The following ZNF438 variants were observed in gnomAD, a reference collection of about 807,000 sequenced individuals.
ZNF438 encodes the protein zinc finger protein 438.
Under a neutral mutation model 38.0 loss-of-function variants are expected in ZNF438, and 25 were observed. The observed-to-expected ratio is 0.66, with a 90% confidence interval of 0.48 to 0.92. The LOEUF is 0.92. Ranked by LOEUF, ZNF438 falls within the 40% of genes least tolerant of loss-of-function variation. The pLI is 0.00. For missense variants in ZNF438, 1,007 were observed against 999.6 expected, an observed-to-expected ratio of 1.01 and a Z score of -0.10; for synonymous variants, 372 against 364.1, an observed-to-expected ratio of 1.02 and a Z score of -0.25.
At chr10:30,976,624 A>T (rs2051385097) in intron 1 of ZNF438, among the ~76,000 whole-genome samples, 1 of 152,056 alleles carries the variant, frequency 6.6e-6, no homozygotes. Context: ...GCACACTTAT[A>T]GTACCAGCTA....
At chr10:30,887,068 A>G (rs904076989) in intron 3 of ZNF438, among the ~76,000 whole-genome samples, 1 of 152,184 alleles carries the variant, frequency 6.6e-6, no homozygotes, top group Non-Finnish European at 1.5e-5. Flanking sequence ...TACGCAAACC[A>G]ACCAATCCAA....
chr10:30,896,094 G>C (rs374587351), intron 3 of ZNF438, among the ~76,000 whole-genome samples: 84 of 152,150 alleles, frequency 5.5e-4, no homozygotes, highest in African/African-American at 1.8e-3. Context: ...GTCAGATCAA[G>C]ACCATCCTGG....
intron 1 of ZNF438, among the ~76,000 whole-genome samples, chr10:30,944,054 A>C (rs2047104133): frequency 6.6e-6 from 1 of 152,216 alleles, no homozygotes; most frequent in African/African-American, 2.4e-5. Flanking sequence ...TGTGGGTTCC[A>C]TCTGAACTGG....
intron 1 of ZNF438, among the ~76,000 whole-genome samples, chr10:30,971,332 G>A (rs545443358): frequency 6.8e-4 from 104 of 152,142 alleles, no homozygotes; most frequent in African/African-American, 2.2e-3. Context: ...AACAACGGAA[G>A]GCCATATTTA....
chr10:30,968,028 A>T (rs960600002), intron 1 of ZNF438, among the ~76,000 whole-genome samples: 3 of 152,196 alleles, frequency 2.0e-5, no homozygotes, highest in Admixed American at 2.0e-4. Flanking sequence ...TTATATATAT[A>T]TACACAGAGC....
At chr10:30,875,385 C>T (rs574584713) in intron 4 of ZNF438, 1 of 984,436 alleles carries the variant, frequency 1.0e-6, no homozygotes, top group African/African-American at 1.7e-5. Context: ...AATGAGAAAA[C>T]TGAGGCTCAG....
At chr10:30,947,332 TA>T (rs1384671112) in intron 1 of ZNF438, among the ~76,000 whole-genome samples, 1 of 152,262 alleles carries the variant, frequency 6.6e-6, no homozygotes, top group Non-Finnish European at 1.5e-5. Flanking sequence ...GGGATGTGTT[TA>T]GGTATTTTCT....
intron 1 of ZNF438, among the ~76,000 whole-genome samples, chr10:30,983,532 C>G (rs529785445): frequency 6.6e-6 from 1 of 152,242 alleles, no homozygotes; most frequent in African/African-American, 2.4e-5. Context: ...GATCCAATCA[C>G]CTCCCATCAG....
chr10:30,981,700 A>T (rs1157885003), intron 1 of ZNF438, among the ~76,000 whole-genome samples: 2 of 152,070 alleles, frequency 1.3e-5, no homozygotes, highest in Non-Finnish European at 2.9e-5. Flanking sequence ...ACATGGTGAA[A>T]CCATGTCTCT....
chr10:30,897,021 A>C (rs1239096607), intron 3 of ZNF438, among the ~76,000 whole-genome samples: 1 of 152,234 alleles, frequency 6.6e-6, no homozygotes, highest in African/African-American at 2.4e-5. Context: ...CTGTAAAGAA[A>C]AATGATAAAA....
At chr10:30,877,031 G>T in exon 4 of ZNF438, 1 of 1,605,576 alleles carries the variant, frequency 6.2e-7, no homozygotes, top group Non-Finnish European at 8.5e-7. Flanking sequence ...ACAGAATTCT[G>T]CATTATGATG....
At chr10:31,030,998 T>C (rs1019683098) in intron 1 of ZNF438, among the ~76,000 whole-genome samples, 2 of 152,214 alleles carry the variant, frequency 1.3e-5, no homozygotes, top group Non-Finnish European at 2.9e-5. Flanking sequence ...GGCATTGTAA[T>C]TGCCAAGAGT....
chr10:30,874,890 G>C (rs906810844), intron 4 of ZNF438, among the ~76,000 whole-genome samples: 18 of 151,346 alleles, frequency 1.2e-4, no homozygotes, highest in Admixed American at 9.2e-4. Flanking sequence ...TTCAAATCTT[G>C]GATCAGTCAC....
intron 1 of ZNF438, among the ~76,000 whole-genome samples, chr10:31,001,059 C>A (rs1456034217): frequency 6.6e-6 from 1 of 152,150 alleles, no homozygotes; most frequent in Non-Finnish European, 1.5e-5. Context: ...ACTGCTTCTC[C>A]ATTCACTCTA....
intron 2 of ZNF438, chr10:30,919,590 T>C (rs77005042): frequency 6.6e-6 from 1 of 152,176 alleles, no homozygotes; most frequent in Non-Finnish European, 1.5e-5. Context: ...CACTTTTTTC[T>C]TGTCACTGGA....
At chr10:30,865,846 G>A (rs1253513935) in intron 4 of ZNF438, among the ~76,000 whole-genome samples, 4 of 152,188 alleles carry the variant, frequency 2.6e-5, no homozygotes, top group Non-Finnish European at 4.4e-5. Context: ...CTTCCTGGCC[G>A]TAGTTTCCTC....
chr10:30,864,550 C>A (rs993837740), intron 4 of ZNF438, among the ~76,000 whole-genome samples: 3 of 152,198 alleles, frequency 2.0e-5, no homozygotes, highest in African/African-American at 7.2e-5. Context: ...TCCAAAAGAG[C>A]AGGGGTTTGT....
chr10:30,976,752 AAAG>A (rs2051405524), intron 1 of ZNF438, among the ~76,000 whole-genome samples: 1 of 152,092 alleles, frequency 6.6e-6, no homozygotes, highest in Admixed American at 6.6e-5. Flanking sequence ...AAAAAAAAAA[AAAG>A]AAGTCATATT....
At chr10:30,849,794 C>A (rs2033194517) in exon 5 of ZNF438, 12 of 1,613,936 alleles carry the variant, frequency 7.4e-6, no homozygotes, top group Non-Finnish European at 9.3e-6. Context: ...CACTGGTGGT[C>A]TCAAGTCCCC....
Sources: allele counts gnomAD v4.1 joint callset (sites outside exome capture counted in the v4.1 genomes callset), GRCh38; gene constraint gnomAD v4.1.1; transcripts MANE v1.5; gene names NCBI Gene and HGNC (gene_info 2026-07-23, HGNC 2026-07-21).